The following EDA variants were observed in gnomAD, a reference collection of about 807,000 sequenced individuals.
EDA encodes the protein ectodysplasin-A.
EDA carries 2 observed loss-of-function variants against 23.6 expected under a neutral mutation model. That is an observed-to-expected ratio of 0.08 (90% CI 0.03 to 0.27). The LOEUF is 0.27. EDA is among the 10% of genes least tolerant of loss of function. The pLI, the probability that EDA is intolerant of heterozygous loss-of-function variation, is 1.00. For missense variants in EDA, 229 were observed against 324.2 expected (o/e 0.71, Z 2.26); for synonymous variants, 131 against 132.0 (o/e 0.99, Z 0.05).
intron 2 of EDA, among the ~76,000 whole-genome samples, chrX:70,013,118 AC>A (rs1409435872): frequency 9.0e-6 from 1 of 111,190 alleles, no homozygotes; most frequent in African/African-American, 3.3e-5. Flanking sequence ...CAGCACAACC[AC>A]CCTGCCCCTG....
intron 1 of EDA, among the ~76,000 whole-genome samples, chrX:69,893,225 A>C (rs186611239): frequency 1.8e-5 from 2 of 110,972 alleles, no homozygotes; most frequent in Admixed American, 1.9e-4. Flanking sequence ...TGTGTGTCTC[A>C]AATCCTCTTC....
chrX:69,938,186 G>A (rs945548668), intron 1 of EDA, among the ~76,000 whole-genome samples: 3 of 111,222 alleles, frequency 2.7e-5, no homozygotes, highest in East Asian at 2.9e-4. Flanking sequence ...TGGCAGTGGC[G>A]GGTGCCCCAT....
At chrX:69,824,460 A>G (rs1424646681) in intron 1 of EDA, among the ~76,000 whole-genome samples, 1 of 110,758 alleles carries the variant, frequency 9.0e-6, no homozygotes, top group Non-Finnish European at 1.9e-5. Flanking sequence ...CTTTGAAGCC[A>G]TTGTGAATGG....
intron 1 of EDA, among the ~76,000 whole-genome samples, chrX:69,730,517 G>A (rs1173557641): frequency 2.7e-5 from 3 of 112,095 alleles, no homozygotes; most frequent in Non-Finnish European, 5.6e-5. Flanking sequence ...GTGAATGGAG[G>A]TAGAAGTATA....
At chrX:69,621,649 CAG>C (rs1296922945) in intron 1 of EDA, among the ~76,000 whole-genome samples, 2 of 112,051 alleles carry the variant, frequency 1.8e-5, no homozygotes, top group African/African-American at 6.5e-5. Flanking sequence ...TGAAATCAAA[CAG>C]TGTGTATTCT....
At chrX:69,930,474 G>C (rs1260745689) in intron 1 of EDA, among the ~76,000 whole-genome samples, 1 of 108,659 alleles carries the variant, frequency 9.2e-6, no homozygotes, top group Non-Finnish European at 1.9e-5. Flanking sequence ...ACCAATTCAT[G>C]ATTTAAAAAA....
chrX:69,671,440 A>C (rs1462069903), intron 1 of EDA, among the ~76,000 whole-genome samples: 4 of 111,300 alleles, frequency 3.6e-5, no homozygotes, highest in Non-Finnish European at 7.5e-5. Context: ...TCCTGGGTGC[A>C]GGGTCTTGTG....
At chrX:69,860,573 A>T (rs1402597568) in intron 1 of EDA, among the ~76,000 whole-genome samples, 1 of 111,341 alleles carries the variant, frequency 9.0e-6, no homozygotes, top group Non-Finnish European at 1.9e-5. Flanking sequence ...CTTCTGGCTT[A>T]TAGGGTTTCT....
intron 1 of EDA, among the ~76,000 whole-genome samples, chrX:69,672,010 G>A (rs900788313): frequency 2.7e-4 from 30 of 111,831 alleles, no homozygotes; most frequent in African/African-American, 9.1e-4. Flanking sequence ...ATTTTTGCCC[G>A]TAAATCCTAA....
intron 1 of EDA, among the ~76,000 whole-genome samples, chrX:69,788,685 C>A (rs977253888): frequency 1.8e-5 from 2 of 112,585 alleles, no homozygotes; most frequent in African/African-American, 6.5e-5. Context: ...AGAACCACTG[C>A]TCTCTTTAAA....
intron 1 of EDA, among the ~76,000 whole-genome samples, chrX:69,724,326 C>G (rs2012707770): frequency 8.9e-6 from 1 of 111,783 alleles, no homozygotes; most frequent in Non-Finnish European, 1.9e-5. Context: ...TGACCCTTTT[C>G]CACGCTTTCC....
intron 1 of EDA, among the ~76,000 whole-genome samples, chrX:69,698,582 G>A (rs939335755): frequency 8.1e-5 from 9 of 111,428 alleles, no homozygotes; most frequent in South Asian, 3.8e-4. Flanking sequence ...AGAAAAGTTC[G>A]GCCATACATG....
intron 1 of EDA, among the ~76,000 whole-genome samples, chrX:69,930,751 A>G (rs1040143030): frequency 9.0e-6 from 1 of 111,605 alleles, no homozygotes; most frequent in African/African-American, 3.2e-5. Context: ...CACAGACGAC[A>G]TGATTATCTT....
At chrX:69,824,549 G>A (rs1449996182) in intron 1 of EDA, among the ~76,000 whole-genome samples, 50 of 109,000 alleles carry the variant, frequency 4.6e-4, no homozygotes, top group Non-Finnish European at 8.4e-4. Flanking sequence ...CATTGATTTT[G>A]TATCCTGAGA....
chrX:69,888,665 A>C (rs2017866036), intron 1 of EDA, among the ~76,000 whole-genome samples: 1 of 108,549 alleles, frequency 9.2e-6, no homozygotes, highest in Admixed American at 1.0e-4. Flanking sequence ...TGTCAGACAA[A>C]ATAGACTTTA....
At chrX:69,709,920 C>T in intron 1 of EDA, among the ~76,000 whole-genome samples, 1 of 111,205 alleles carries the variant, frequency 9.0e-6, no homozygotes, top group East Asian at 2.8e-4. Context: ...GAGTAGATTG[C>T]AAAAATTTTC....
chrX:70,027,651 C>T (rs746712324), intron 3 of EDA, among the ~76,000 whole-genome samples: 2 of 110,341 alleles, frequency 1.8e-5, no homozygotes, highest in Non-Finnish European at 3.8e-5. Context: ...GGTGAAACCC[C>T]GTCTCTACTA....
chrX:69,947,556 A>G (rs1342235759), intron 1 of EDA, among the ~76,000 whole-genome samples: 1 of 112,257 alleles, frequency 8.9e-6, no homozygotes, highest in African/African-American at 3.2e-5. Context: ...TGGTTATGCC[A>G]TAAAGCTCAC....
intron 2 of EDA, among the ~76,000 whole-genome samples, chrX:69,970,843 G>A (rs1178341479): frequency 1.8e-5 from 2 of 111,732 alleles, no homozygotes; most frequent in Non-Finnish European, 3.8e-5. Flanking sequence ...TGGAGCCAAG[G>A]AAGCAAGGTG....
Sources: gnomAD v4.1 joint callset for allele counts (sites outside exome capture counted in the v4.1 genomes callset) on GRCh38, gnomAD v4.1.1 for gene constraint, MANE v1.5 for transcripts, NCBI Gene and HGNC (gene_info 2026-07-23, HGNC 2026-07-21) for gene names.